STAU2: variants seen among roughly 807,000 people sequenced by gnomAD.
STAU2 encodes the protein double-stranded RNA-binding protein Staufen homolog 2.
Under a neutral mutation model 65.9 loss-of-function variants are expected in STAU2, and 20 were observed. That is an observed-to-expected ratio of 0.30 (90% CI 0.21 to 0.44). The LOEUF is 0.44. STAU2 is among the 20% of genes least tolerant of loss of function. STAU2 has a pLI of 1.00. For missense variants in STAU2, 558 were observed against 683.9 expected (o/e 0.82, Z 2.05); for synonymous variants, 232 against 233.9 (o/e 0.99, Z 0.07).
At position 73,715,077 on chromosome 8, in the gene STAU2, C is replaced by T. The variant is rs552014884; in HGVS notation, c.-17-5915G>A. Among the ~76,000 whole-genome samples, 64 of 132,196 alleles carry T rather than the reference C, an allele frequency of 4.8e-4. No individual in the cohort carries two copies. The Middle Eastern group carries it at 0.05, about 102-fold the overall frequency. 86.7% of individuals were successfully genotyped at this position (132,196 alleles called of 152,430 possible). A position where few individuals can be genotyped will look rare whatever the true frequency, so the allele number is the denominator to read the frequency against. The stretch of plus-strand genomic sequence containing the variant: ...CACCCTAAGCAACAGAGCGAGACTC[C>T]GTCTCAAAAAAAAAAAAAAAAGTGA... On this transcript the variant is annotated intron_variant, in intron 3 of 14. Coordinates refer to ENST00000524300, the MANE Select transcript of STAU2 (RefSeq NM_001164380.2).
At chr8:73,677,528 T>C (rs930086890) in intron 5 of STAU2, among the ~76,000 whole-genome samples, 1 of 152,166 alleles carries the variant, frequency 6.6e-6, no homozygotes, top group Non-Finnish European at 1.5e-5. Context: ...TACCATTAAA[T>C]GCAACATAGA....
rs1249492631 is a variant in STAU2, at chr8:73,422,692, C to T, written c.1541G>A (p.Ser514Asn). ...TTGTTCAGAAAATTGTTTCAAGGCA[C>T]TTAAGGCTGCCTAAAAATGAAAACA... ...ARIQGFQAAL[S>N]ALKQFSEQGL... Residue 514 changes from serine (S) to asparagine (N), a missense_variant, in exon 14 of 15, where the codon AGT (serine) becomes AAT (asparagine). Around this residue, in one of 3 missense-constraint regions of STAU2, gnomAD observed 247 missense variants for 270.1 expected, o/e 0.91. Transcript: ENST00000524300. 2 of 1,487,596 alleles carry T rather than the reference C, an allele frequency of 1.3e-6. No homozygotes were observed. 92.1% of individuals were successfully genotyped at this position (1,487,596 alleles called of 1,614,324 possible).
chr8:73,556,629 C>A (rs1324042744), intron 12 of STAU2, among the ~76,000 whole-genome samples: 1 of 151,888 alleles, frequency 6.6e-6, no homozygotes, highest in East Asian at 1.9e-4. Context: ...TAGTGGCAGG[C>A]GCCTGAAATC....
intron 5 of STAU2, among the ~76,000 whole-genome samples, chr8:73,686,698 G>A (rs1818854076): frequency 1.3e-5 from 2 of 151,402 alleles, no homozygotes; most frequent in South Asian, 4.2e-4. Flanking sequence ...ATTTATCAAT[G>A]TAACCGAATA....
intron 1 of STAU2, 149 bp from the exon 2 acceptor site, chr8:73,740,017 G>A: frequency 1.9e-6 from 1 of 539,272 alleles, no homozygotes; most frequent in South Asian, 2.7e-5. Flanking sequence ...ATATGGCAAA[G>A]AACTGAGAAA....
chr8:73,622,283 C>T (rs549209882), intron 6 of STAU2, among the ~76,000 whole-genome samples: 16,267 of 100,106 alleles, frequency 0.16, 1,766 homozygotes, highest in African/African-American at 0.33. Context: ...CCCGCCACCT[C>T]GCCCGGCTAA....
chr8:73,455,859 C>T (rs1218536190), intron 13 of STAU2, among the ~76,000 whole-genome samples: 2 of 152,118 alleles, frequency 1.3e-5, no homozygotes, highest in Non-Finnish European at 2.9e-5. Flanking sequence ...ATCTCTCTAG[C>T]CCCAACACAT....
chr8:73,584,363 T>C lies in STAU2; in HGVS notation c.1162-1533A>G, dbSNP rs796750295. Reference sequence around the variant, plus strand: ...ACTATGTAATAAAATAGACTGATAGTAGTAATAGCTAATAGCTAACACTGA... The same window carrying C: ...ACTATGTAATAAAATAGACTGATAGCAGTAATAGCTAATAGCTAACACTGA... On this transcript the variant is annotated intron_variant, in intron 11 of 14. Coordinates refer to ENST00000524300, the MANE Select transcript of STAU2 (RefSeq NM_001164380.2). Among the ~76,000 whole-genome samples the C allele has an allele frequency of 4.6e-5, 7 of 152,256 alleles. No individual in the cohort carries two copies. In the South Asian group the frequency reaches 8.3e-4, roughly 18 times the overall value.
intron 6 of STAU2, among the ~76,000 whole-genome samples, chr8:73,668,725 G>C (rs1817424336): frequency 6.6e-6 from 1 of 150,996 alleles, no homozygotes; most frequent in African/African-American, 2.4e-5. Context: ...CAAACATCTT[G>C]GGCATAATAA....
chr8:73,708,977 T>C (rs1820706616), intron 4 of STAU2, 55 bp downstream of exon 4: 11 of 1,413,920 alleles, frequency 7.8e-6, no homozygotes, highest in Non-Finnish European at 1.0e-5. Flanking sequence ...AAATCTGAGA[T>C]GATAAATCTG....
At chr8:73,520,127 A>C (rs189690035) in intron 13 of STAU2, among the ~76,000 whole-genome samples, 2 of 152,368 alleles carry the variant, frequency 1.3e-5, no homozygotes, top group African/African-American at 4.8e-5. Context: ...GCTAGAGCAT[A>C]AAGCGTGGGT....
rs1411895242 is a variant in STAU2, at chr8:73,664,149, C to T, written c.410+8958G>A. On this transcript the variant is annotated intron_variant, in intron 6 of 14. Transcript: ENST00000524300. Reference sequence around the variant, plus strand: ...TCACTGAAGCCTTGACTTCCCAGGCCCAGGCAATCCTCCCACCTCAGTCTC... The same window carrying T: ...TCACTGAAGCCTTGACTTCCCAGGCTCAGGCAATCCTCCCACCTCAGTCTC... 2.6e-5 allele frequency among the ~76,000 whole-genome samples: 4 copies of T among 152,090 alleles called. No individual in the cohort carries two copies. In the East Asian group the frequency reaches 7.7e-4, roughly 29 times the overall value.
At chr8:73,473,601 G>A (rs556260252) in intron 13 of STAU2, among the ~76,000 whole-genome samples, 3 of 152,294 alleles carry the variant, frequency 2.0e-5, no homozygotes, top group Non-Finnish European at 2.9e-5. Flanking sequence ...TCCCCGGGAA[G>A]CCCTCAGCTT....
intron 6 of STAU2, among the ~76,000 whole-genome samples, chr8:73,658,400 C>A (rs779794946): frequency 6.6e-6 from 1 of 151,932 alleles, no homozygotes; most frequent in Admixed American, 6.6e-5. Flanking sequence ...GGGAAGTTCA[C>A]CACCATTTAT....
At chr8:73,469,882 T>C (rs1179259600) in intron 13 of STAU2, among the ~76,000 whole-genome samples, 1 of 152,170 alleles carries the variant, frequency 6.6e-6, no homozygotes, top group Non-Finnish European at 1.5e-5. Flanking sequence ...TTCTAATTGA[T>C]GTGGCTTTTA....
intron 1 of STAU2, 79 bp downstream of exon 1, chr8:73,746,704 G>C (rs1349955492): frequency 2.2e-6 from 2 of 900,158 alleles, no homozygotes; most frequent in African/African-American, 3.5e-5. Context: ...GAACTGCAGG[G>C]CTCCCCAGCG....
At chr8:73,460,330 G>GA (rs1819288239) in intron 13 of STAU2, among the ~76,000 whole-genome samples, 1 of 152,224 alleles carries the variant, frequency 6.6e-6, no homozygotes, top group Non-Finnish European at 1.5e-5. Flanking sequence ...GGTTAGAAGA[G>GA]AGACATTATT....
At chr8:73,681,581 T>C (rs1818436611) in intron 5 of STAU2, among the ~76,000 whole-genome samples, 1 of 151,894 alleles carries the variant, frequency 6.6e-6, no homozygotes, top group South Asian at 2.1e-4. Flanking sequence ...ACAAAAGGTA[T>C]TGGGGCAACA....
chr8:73,497,142 C>A (rs1433702885), intron 13 of STAU2, among the ~76,000 whole-genome samples: 2 of 151,634 alleles, frequency 1.3e-5, no homozygotes, highest in Non-Finnish European at 3.0e-5. Flanking sequence ...TGGCAATTAT[C>A]TTCTGAACTC....
Sources: gnomAD v4.1 joint callset for allele counts (sites outside exome capture counted in the v4.1 genomes callset) on GRCh38, gnomAD v4.1.1 for gene constraint, gnomAD v4.1.1 regional missense constraint, MANE v1.5 for transcripts, NCBI Gene and HGNC (gene_info 2026-07-23, HGNC 2026-07-21) for gene names.